MLIP: variants seen among roughly 807,000 people sequenced by gnomAD.
MLIP encodes muscular LMNA-interacting protein.
A neutral mutation model predicts 84.8 loss-of-function variants in MLIP; 79 were observed. The ratio of observed to expected loss-of-function variants is 0.93; its 90% confidence interval spans 0.78 to 1.12. The LOEUF (loss-of-function observed/expected upper bound fraction) is 1.12, where lower values mean the gene tolerates loss of function less well. Ranked by LOEUF, MLIP falls within the 50% of genes most tolerant of loss-of-function variation. MLIP has a pLI of 0.00. For synonymous variants in MLIP, 504 were observed against 463.0 expected (o/e 1.09, Z -1.14); for missense variants, 1,257 against 1,160.6 (o/e 1.08, Z -1.21).
Position 54,160,605 on chromosome 6 carries a change from G to A in MLIP, c.2439+6G>A. On this transcript the variant is annotated splice_donor_region_variant and intron_variant, in intron 7 of 13. Coordinates refer to ENST00000502396, the MANE Select transcript of MLIP (RefSeq NM_001281747.2). ...TACAGGATTCCTTGTCTATGGTAAT[G>A]CTTTAGACTAGAATGTGCAATTCAA... The A allele has an allele frequency of 6.2e-7, 1 of 1,602,038 alleles. No homozygotes were observed. The highest frequency in any genetic ancestry group is 8.5e-7 in the Non-Finnish European group (1 of 1,170,516).
At chr6:54,257,626 T>C (rs1783097889) in intron 13 of MLIP, among the ~76,000 whole-genome samples, 1 of 152,104 alleles carries the variant, frequency 6.6e-6, no homozygotes, top group South Asian at 2.1e-4. Flanking sequence ...GTGCCTGTCT[T>C]TGTGATTTCC....
chr6:54,096,490 G>C (rs1387611235), intron 1 of MLIP, among the ~76,000 whole-genome samples: 1 of 152,020 alleles, frequency 6.6e-6, no homozygotes, highest in Non-Finnish European at 1.5e-5. Flanking sequence ...CTCATCTGCA[G>C]AGAGGCTCTC....
intron 12 of MLIP, among the ~76,000 whole-genome samples, chr6:54,237,321 G>A (rs1781431844): frequency 6.6e-6 from 1 of 151,886 alleles, no homozygotes; most frequent in African/African-American, 2.4e-5. Flanking sequence ...CATTAGTTGA[G>A]GAGAGGGGGT....
intron 4 of MLIP, among the ~76,000 whole-genome samples, chr6:54,144,734 C>T (rs1192629932): frequency 6.6e-6 from 1 of 152,216 alleles, no homozygotes; most frequent in East Asian, 1.9e-4. Flanking sequence ...TGATTTACCA[C>T]ACTTAAAGTG....
At chr6:54,207,406 T>C (rs1296887857) in intron 11 of MLIP, among the ~76,000 whole-genome samples, 3 of 136,132 alleles carry the variant, frequency 2.2e-5, no homozygotes, top group African/African-American at 8.1e-5. Flanking sequence ...CCATCACCTC[T>C]GCACCCCCCC....
chr6:54,172,217 T>C (rs1249677847), intron 9 of MLIP, among the ~76,000 whole-genome samples: 2 of 151,700 alleles, frequency 1.3e-5, no homozygotes, highest in Admixed American at 1.3e-4. Context: ...AACACCACTA[T>C]GCATCCCATG....
At chr6:54,090,159 C>T (rs1767768774) in intron 1 of MLIP, among the ~76,000 whole-genome samples, 1 of 152,052 alleles carries the variant, frequency 6.6e-6, no homozygotes, top group South Asian at 2.1e-4. Context: ...AGTTCGTAAA[C>T]TGCCTCTCAA....
rs889820901 is a variant in MLIP, at chr6:54,160,783, G to T, written c.2483G>T (p.Gly828Val). The change falls in exon 8 of 14, where the codon GGT (glycine) becomes GTT (valine). Residue 828 changes from glycine to valine, a missense_variant. Gly to Val is a moderately radical substitution (Grantham distance 109). Transcript: ENST00000502396. The stretch of plus-strand genomic sequence containing the variant: ...TCAAGGTCCCCAAAGACATTGTTGG[G>T]TTCTGACACAGTCAAAGTATGTATG... ...SPSRSPKTLL[G>V]SDTVKTPTTL... 1 of 1,605,056 alleles carries T rather than the reference G, an allele frequency of 6.2e-7. No individual in the cohort carries two copies. Among genetic ancestry groups the T allele is most frequent in the African/African-American group, 1.3e-5 (1 of 74,502 alleles).
chr6:54,142,506 T>C (rs1319440314), intron 4 of MLIP, among the ~76,000 whole-genome samples: 2 of 151,946 alleles, frequency 1.3e-5, no homozygotes, highest in Non-Finnish European at 2.9e-5. Flanking sequence ...GGCCAGAGAG[T>C]GCTTGACAGG....
At chr6:54,123,950 A>G (rs746316539) in intron 2 of MLIP, among the ~76,000 whole-genome samples, 1 of 152,156 alleles carries the variant, frequency 6.6e-6, no homozygotes, top group African/African-American at 2.4e-5. Context: ...TTGGTGTTCT[A>G]TTTATGAGTT....
intron 1 of MLIP, among the ~76,000 whole-genome samples, chr6:54,088,968 C>T (rs1237519873): frequency 6.6e-6 from 1 of 151,976 alleles, no homozygotes; most frequent in Non-Finnish European, 1.5e-5. Flanking sequence ...TTTTTGAGGT[C>T]TATAGCAAAG....
At chr6:54,142,407 T>C (rs1199369832) in intron 4 of MLIP, among the ~76,000 whole-genome samples, 2 of 152,158 alleles carry the variant, frequency 1.3e-5, no homozygotes, top group Admixed American at 1.3e-4. Flanking sequence ...TCACAAGTTA[T>C]GTTGGGGTAT....
intron 1 of MLIP, among the ~76,000 whole-genome samples, chr6:54,091,914 C>A (rs1011016928): frequency 6.6e-6 from 1 of 152,076 alleles, no homozygotes; most frequent in Non-Finnish European, 1.5e-5. Context: ...TTTTCAGAGT[C>A]ATTTCTCTAT....
intron 1 of MLIP, chr6:54,059,079 A>G (rs926852237): frequency 1.3e-5 from 2 of 152,222 alleles, no homozygotes; most frequent in Admixed American, 1.3e-4. Flanking sequence ...TTGGGCGTAC[A>G]TTTTCAAGGC....
intron 2 of MLIP, among the ~76,000 whole-genome samples, chr6:54,121,893 A>G (rs1167274034): frequency 6.6e-6 from 1 of 152,216 alleles, no homozygotes; most frequent in Admixed American, 6.5e-5. Flanking sequence ...ATAAAAACAA[A>G]ATTTAAAAAT....
chr6:54,255,774 T>C (rs1782966416), intron 12 of MLIP, among the ~76,000 whole-genome samples: 1 of 152,180 alleles, frequency 6.6e-6, no homozygotes, highest in Non-Finnish European at 1.5e-5. Flanking sequence ...TTTATTGGGA[T>C]ATTACCAAGA....
intron 9 of MLIP, among the ~76,000 whole-genome samples, chr6:54,173,871 C>T (rs932956296): frequency 4.6e-5 from 7 of 151,626 alleles, no homozygotes; most frequent in Non-Finnish European, 1.0e-4. Context: ...CCCCACCTCC[C>T]CACCCCAAAG....
intron 9 of MLIP, among the ~76,000 whole-genome samples, chr6:54,174,788 G>A (rs1776118029): frequency 6.6e-6 from 1 of 151,714 alleles, no homozygotes; most frequent in Non-Finnish European, 1.5e-5. Flanking sequence ...TTGATTGCCG[G>A]TGCTTGTGGG....
intron 12 of MLIP, among the ~76,000 whole-genome samples, chr6:54,248,121 G>A (rs2150858717): frequency 6.6e-6 from 1 of 152,092 alleles, no homozygotes; most frequent in African/African-American, 2.4e-5. Context: ...TCTATTTTAT[G>A]TCACACTGGA....
Sources: gnomAD v4.1 joint callset for allele counts (sites outside exome capture counted in the v4.1 genomes callset) on GRCh38, gnomAD v4.1.1 for gene constraint, MANE v1.5 for transcripts, NCBI Gene and HGNC (gene_info 2026-07-23, HGNC 2026-07-21) for gene names.